Variants in KLHL1 observed in about 807,000 individuals in gnomAD.
KLHL1 encodes the protein kelch-like protein 1.
A neutral mutation model predicts 77.7 loss-of-function variants in KLHL1; 47 were observed. The observed-to-expected ratio is 0.60, with a 90% CI of 0.48 to 0.77. The LOEUF is 0.77. KLHL1 is among the 30% of genes least tolerant of loss of function. The probability of loss-of-function intolerance (pLI) is 0.00; values close to 1 mark genes in which losing one functional copy is unlikely to be tolerated. For missense variants in KLHL1, 925 were observed against 910.8 expected, an observed-to-expected ratio of 1.02 and a Z score of -0.20; for synonymous variants, 360 against 325.2, an observed-to-expected ratio of 1.11 and a Z score of -1.15.
At chr13:69,878,367 G>A (rs780709032) in intron 5 of KLHL1, among the ~76,000 whole-genome samples, 4 of 151,768 alleles carry the variant, frequency 2.6e-5, no homozygotes, top group Admixed American at 6.6e-5. Flanking sequence ...CCCACATTGA[G>A]TCTTTCAAAT....
intron 1 of KLHL1, among the ~76,000 whole-genome samples, chr13:70,092,653 C>A (rs1205358726): frequency 6.6e-6 from 1 of 152,020 alleles, no homozygotes; most frequent in Admixed American, 6.6e-5. Flanking sequence ...TACATTCATA[C>A]CTGTAATTAG....
At chr13:69,750,287 G>T (rs1466408552) in intron 7 of KLHL1, among the ~76,000 whole-genome samples, 1 of 151,634 alleles carries the variant, frequency 6.6e-6, no homozygotes, top group African/African-American at 2.4e-5. Context: ...TGTAAAATCA[G>T]TGATTAGGGT....
chr13:69,881,619 A>G (rs7984801), intron 5 of KLHL1, among the ~76,000 whole-genome samples: 8,728 of 152,228 alleles, frequency 0.057, 642 homozygotes, highest in African/African-American at 0.17. Flanking sequence ...ACTCAGAATC[A>G]GAGAGAACTA....
At chr13:70,095,839 C>T (rs939824118) in intron 1 of KLHL1, among the ~76,000 whole-genome samples, 29 of 151,738 alleles carry the variant, frequency 1.9e-4, no homozygotes, top group Admixed American at 1.6e-3. Context: ...ACCCCCCCCA[C>T]CACACTCGCT....
At chr13:69,837,599 CAT>C (rs1301773053) in intron 6 of KLHL1, among the ~76,000 whole-genome samples, 1 of 144,890 alleles carries the variant, frequency 6.9e-6, no homozygotes, top group Non-Finnish European at 1.5e-5. Context: ...TATATATACA[CAT>C]ACATCTCTCT....
chr13:70,087,185 G>A (rs529744255), intron 1 of KLHL1, among the ~76,000 whole-genome samples: 1 of 152,234 alleles, frequency 6.6e-6, no homozygotes, highest in South Asian at 2.1e-4. Context: ...AGTGGAATAG[G>A]AAAAGTCAGG....
chr13:69,780,247 T>G (rs573442881), intron 7 of KLHL1, among the ~76,000 whole-genome samples: 5 of 152,320 alleles, frequency 3.3e-5, no homozygotes, highest in Admixed American at 1.3e-4. Context: ...ATCTCCAACT[T>G]ACCTCCTTTT....
intron 7 of KLHL1, among the ~76,000 whole-genome samples, chr13:69,773,863 C>CTA (rs72007331): frequency 0.025 from 3,691 of 145,932 alleles, 45 homozygotes; most frequent in African/African-American, 0.032. Flanking sequence ...AAGTCCTTGG[C>CTA]TATATATATA....
In KLHL1 at chr13:70,107,577, G is replaced by A. The variant is rs141447437; in HGVS notation, c.123C>T (p.Asp41=). The change falls in exon 1 of 11, where the codon GAC becomes GAT. Residue 41 remains aspartate, a synonymous_variant. Transcript: ENST00000377844. The part of the protein sequence containing the change: ...GPAGGGCLQQ[D]GSGSFEHWGP... ...CCCAGTGCTCAAAGCTGCCACTGCC[G>A]TCCTGTTGCAGGCAGCCTCCCCCCG... 8.0e-5 allele frequency: 128 copies of A among 1,605,060 alleles called. 2 individuals carry two copies. Among genetic ancestry groups the A allele is most frequent in the Middle Eastern group, 6.7e-4 (4 of 5,990 alleles).
chr13:69,766,604 A>C (rs1875316271), intron 7 of KLHL1, among the ~76,000 whole-genome samples: 1 of 152,208 alleles, frequency 6.6e-6, no homozygotes, highest in Non-Finnish European at 1.5e-5. Flanking sequence ...AAAAGGCAGT[A>C]TGTATAAATA....
intron 7 of KLHL1, among the ~76,000 whole-genome samples, chr13:69,774,700 C>T (rs1337096641): frequency 1.3e-5 from 2 of 151,900 alleles, no homozygotes; most frequent in Non-Finnish European, 2.9e-5. Context: ...GTAGAAATAG[C>T]CTATAGTATT....
chr13:69,994,585 C>G (rs1383005893), intron 1 of KLHL1, among the ~76,000 whole-genome samples: 1 of 152,022 alleles, frequency 6.6e-6, no homozygotes, highest in Non-Finnish European at 1.5e-5. Flanking sequence ...AAATAAATTA[C>G]AGTATTGTAC....
intron 1 of KLHL1, among the ~76,000 whole-genome samples, chr13:70,034,192 C>T (rs1886185327): frequency 6.6e-6 from 1 of 152,182 alleles, no homozygotes; most frequent in African/African-American, 2.4e-5. Context: ...GTCTATTAAT[C>T]TACATTTATT....
At chr13:69,758,337 CAAGAT>C (rs1318938578) in intron 7 of KLHL1, among the ~76,000 whole-genome samples, 2 of 152,088 alleles carry the variant, frequency 1.3e-5, no homozygotes, top group Non-Finnish European at 2.9e-5. Flanking sequence ...TTTGACCACA[CAAGAT>C]AAGATTTCCG....
chr13:69,762,716 T>G (rs1875085546), intron 7 of KLHL1, among the ~76,000 whole-genome samples: 2 of 149,344 alleles, frequency 1.3e-5, no homozygotes, highest in African/African-American at 2.5e-5. Flanking sequence ...TTTCCCAAGA[T>G]CATAAGTTAA....
intron 4 of KLHL1, among the ~76,000 whole-genome samples, chr13:69,935,772 T>A (rs73510152): frequency 0.05 from 7,565 of 152,146 alleles, 443 homozygotes; most frequent in African/African-American, 0.14. Context: ...AATGTGATTT[T>A]AAAAATGTCA....
rs1879390113 is a variant in KLHL1, at chr13:69,844,744, T to C, written c.1228-5582A>G. Among the ~76,000 whole-genome samples, 4 of 151,610 alleles carry C rather than the reference T, an allele frequency of 2.6e-5. No individual in the cohort carries two copies. The Admixed American group carries it at 2.6e-4, about 10-fold the overall frequency. ...TTTCTGAGTAATTTGATTCAAGCAA[T>C]AAGGTTTTTCTTCTGGGTTTTTTAT... On this transcript the variant is annotated intron_variant, in intron 5 of 10. Coordinates refer to ENST00000377844, the MANE Select transcript of KLHL1 (RefSeq NM_020866.3).
At chr13:69,936,093 G>A (rs1350631160) in intron 4 of KLHL1, among the ~76,000 whole-genome samples, 1 of 152,124 alleles carries the variant, frequency 6.6e-6, no homozygotes, top group Non-Finnish European at 1.5e-5. Flanking sequence ...GATATTTCTT[G>A]GGCATGAATG....
chr13:69,953,495 C>G (rs1294134737), intron 3 of KLHL1, among the ~76,000 whole-genome samples: 2 of 151,026 alleles, frequency 1.3e-5, no homozygotes, highest in Admixed American at 1.3e-4. Context: ...CATGATTTTA[C>G]ATCTTATAAT....
Sources: allele counts gnomAD v4.1 joint callset (sites outside exome capture counted in the v4.1 genomes callset), GRCh38; gene constraint gnomAD v4.1.1; transcripts MANE v1.5; gene names NCBI Gene and HGNC (gene_info 2026-07-23, HGNC 2026-07-21).